Variants in AKAP19 observed in about 807,000 individuals in gnomAD.
AKAP19 encodes small A-kinase anchoring protein.
chr2:189,935,742 C>A, the AKAP19 span, among the ~76,000 whole-genome samples: 3 of 152,152 alleles, frequency 2.0e-5, no homozygotes, highest in Non-Finnish European at 4.4e-5. Flanking sequence ...ATTTCACATA[C>A]TTTTTCAGCA....
the AKAP19 span, among the ~76,000 whole-genome samples, chr2:189,983,810 TA>T: frequency 6.6e-6 from 1 of 152,340 alleles, no homozygotes; most frequent in East Asian, 1.9e-4. Flanking sequence ...GGTTCTTTTC[TA>T]TTTTCCTAAG....
At chr2:189,968,134 A>C in the AKAP19 span, among the ~76,000 whole-genome samples, 1 of 152,336 alleles carries the variant, frequency 6.6e-6, no homozygotes, top group South Asian at 2.1e-4. Flanking sequence ...TAAAAAAGGA[A>C]AGAAAGAAAT....
the AKAP19 span, chr2:189,924,053 T>A: frequency 6.5e-7 from 1 of 1,537,248 alleles, no homozygotes; most frequent in South Asian, 1.1e-5. Flanking sequence ...GAAGATGGAG[T>A]CTGAGGGGGG....
chr2:190,179,393 G>A, the AKAP19 span, among the ~76,000 whole-genome samples: 2 of 151,080 alleles, frequency 1.3e-5, no homozygotes, highest in Non-Finnish European at 2.9e-5. The surrounding 1 kb of genome is among the most constrained non-coding windows in gnomAD (Gnocchi z 6.0). Flanking sequence ...GGCGACAAGA[G>A]CAAGACTCCA....
the AKAP19 span, among the ~76,000 whole-genome samples, chr2:189,895,906 G>A: frequency 6.6e-6 from 1 of 151,630 alleles, no homozygotes; most frequent in Non-Finnish European, 1.5e-5. Context: ...AGCTACTCCA[G>A]GGGCTGAGGC....
the AKAP19 span, among the ~76,000 whole-genome samples, chr2:189,956,019 T>C: frequency 6.6e-6 from 1 of 152,294 alleles, no homozygotes; most frequent in East Asian, 1.9e-4. Context: ...AATTTGGGTG[T>C]AAGAACAGAT....
the AKAP19 span, among the ~76,000 whole-genome samples, chr2:190,069,094 G>T: frequency 6.7e-6 from 1 of 150,102 alleles, no homozygotes; most frequent in Admixed American, 6.7e-5. Flanking sequence ...GTAGCCAGAG[G>T]GTAGAAAAGA....
the AKAP19 span, among the ~76,000 whole-genome samples, chr2:190,085,701 T>C: frequency 5.1e-4 from 78 of 152,344 alleles, no homozygotes; most frequent in Middle Eastern, 3.4e-3. Context: ...GATTTGAAAT[T>C]GGTAATGACC....
the AKAP19 span, among the ~76,000 whole-genome samples, chr2:189,903,670 G>T: frequency 6.6e-6 from 1 of 151,864 alleles, no homozygotes; most frequent in Non-Finnish European, 1.5e-5. Context: ...AGATACAGGG[G>T]GTATATGTGC....
the AKAP19 span, among the ~76,000 whole-genome samples, chr2:189,959,589 T>G: frequency 6.6e-6 from 1 of 152,204 alleles, no homozygotes; most frequent in Non-Finnish European, 1.5e-5. Flanking sequence ...ATTGATACAT[T>G]ACTAGATTTT....
the AKAP19 span, among the ~76,000 whole-genome samples, chr2:189,964,602 G>T: frequency 6.6e-6 from 1 of 152,170 alleles, no homozygotes; most frequent in South Asian, 2.1e-4. Context: ...ATCTTAGCTA[G>T]ATCTTCTGGA....
the AKAP19 span, chr2:190,199,899 T>TA: frequency 6.2e-7 from 1 of 1,613,996 alleles, no homozygotes; most frequent in Non-Finnish European, 8.5e-7. Context: ...TCCCATTTCC[T>TA]ACCATATATG....
chr2:190,063,047 C>T, the AKAP19 span, among the ~76,000 whole-genome samples: 1 of 152,024 alleles, frequency 6.6e-6, no homozygotes, highest in Non-Finnish European at 1.5e-5. Flanking sequence ...TTAAATAAGT[C>T]AATTTTAATT....
chr2:190,200,484 T>A, the AKAP19 span: 1 of 210,044 alleles, frequency 4.8e-6, no homozygotes, highest in Admixed American at 5.3e-5. Flanking sequence ...TTCCAATGGT[T>A]GAAGTTTATC....
At chr2:189,995,131 G>GTTAAGTCCATTTGTTCTAGGGTATAGT in the AKAP19 span, among the ~76,000 whole-genome samples, 1 of 152,158 alleles carries the variant, frequency 6.6e-6, no homozygotes, top group African/African-American at 2.4e-5. Flanking sequence ...ATAAATATCT[G>GTTAAGTCCATTTGTTCTAGGGTATAGT]TTAAGTCCAT....
the AKAP19 span, among the ~76,000 whole-genome samples, chr2:189,981,722 C>T: frequency 6.6e-6 from 1 of 152,138 alleles, no homozygotes; most frequent in African/African-American, 2.4e-5. Context: ...GTTTGCTTGT[C>T]TGAGAAAGAC....
the AKAP19 span, among the ~76,000 whole-genome samples, chr2:190,091,476 C>CT: frequency 6.6e-6 from 1 of 151,536 alleles, no homozygotes; most frequent in East Asian, 1.9e-4. Flanking sequence ...AAGTAAAGAA[C>CT]TGTTTCCTAT....
the AKAP19 span, chr2:190,060,266 T>C: frequency 1.2e-6 from 2 of 1,613,208 alleles, no homozygotes; most frequent in East Asian, 4.5e-5. Flanking sequence ...TTGTACCGTC[T>C]TTCATAGGTT....
chr2:189,885,490 T>C, the AKAP19 span, among the ~76,000 whole-genome samples: 3 of 152,232 alleles, frequency 2.0e-5, no homozygotes, highest in African/African-American at 7.2e-5. Flanking sequence ...AGCAGCCATC[T>C]GATTACAACT....
Sources: allele counts gnomAD v4.1 joint callset (sites outside exome capture counted in the v4.1 genomes callset), GRCh38; gene constraint gnomAD v4.1.1; non-coding constraint Gnocchi (gnomAD v3.1); transcripts MANE v1.5; gene names NCBI Gene and HGNC (gene_info 2026-07-23, HGNC 2026-07-21).